DPH6: variants seen among roughly 807,000 people sequenced by gnomAD.
DPH6 encodes diphthamine biosynthesis 6, also known as diphthine--ammonia ligase.
DPH6 carries 33 observed loss-of-function variants against 38.2 expected under a neutral mutation model. That is an observed-to-expected ratio of 0.86 (90% confidence interval 0.65 to 1.15). DPH6 has a LOEUF of 1.15. Ranked by LOEUF, DPH6 falls within the 50% of genes most tolerant of loss-of-function variation. DPH6 has a pLI of 0.00. For missense variants in DPH6, 325 were observed against 320.0 expected (o/e 1.02, Z -0.12); for synonymous variants, 108 against 103.0 (o/e 1.05, Z -0.30).
chr15:35,384,201 G>A (rs2052911304), intron 6 of DPH6, among the ~76,000 whole-genome samples: 1 of 152,020 alleles, frequency 6.6e-6, no homozygotes, highest in Non-Finnish European at 1.5e-5. Context: ...CATTCTCTTT[G>A]ATAAGCTTCT....
At chr15:35,237,683 C>A in intron 3 of DPH6, 2 of 1,613,662 alleles carry the variant, frequency 1.2e-6, no homozygotes, top group Admixed American at 3.3e-5. Flanking sequence ...GAGCTTAGAC[C>A]TTTTCAATTG....
chr15:35,535,631 A>T (rs2055157406), intron 3 of DPH6, among the ~76,000 whole-genome samples: 1 of 82,802 alleles, frequency 1.2e-5, no homozygotes, highest in Non-Finnish European at 3.6e-5. Flanking sequence ...ATTTTCAGGA[A>T]ATAATACAGT....
At chr15:35,325,427 T>C (rs1343823179) in intron 3 of DPH6, among the ~76,000 whole-genome samples, 1 of 152,172 alleles carries the variant, frequency 6.6e-6, no homozygotes, top group Middle Eastern at 3.2e-3. Flanking sequence ...GACACAGTTG[T>C]ATGAATACTT....
At chr15:35,321,148 T>C (rs1408939810) in intron 3 of DPH6, among the ~76,000 whole-genome samples, 1 of 152,240 alleles carries the variant, frequency 6.6e-6, no homozygotes, top group Non-Finnish European at 1.5e-5. Flanking sequence ...CTTCCTAATC[T>C]TGTGGTCTTT....
intron 3 of DPH6, among the ~76,000 whole-genome samples, chr15:35,307,727 TAC>T (rs1298576806): frequency 3.3e-5 from 5 of 152,186 alleles, no homozygotes; most frequent in Admixed American, 3.3e-4. Flanking sequence ...TGCATGTGTA[TAC>T]ACATATACAT....
chr15:35,195,649 CAATT>C, the DPH6 span, among the ~76,000 whole-genome samples: 5 of 152,136 alleles, frequency 3.3e-5, 1 homozygote, highest in Non-Finnish European at 1.5e-5. Context: ...GCTCCACAGA[CAATT>C]AAAGTATTTA....
At chr15:35,361,982 T>G (rs750309969) in intron 3 of DPH6, among the ~76,000 whole-genome samples, 19 of 152,012 alleles carry the variant, frequency 1.2e-4, no homozygotes, top group Non-Finnish European at 2.4e-4. Flanking sequence ...GGCCTCCGAT[T>G]GGGTCATGTT....
At chr15:35,436,514 C>CAAAAAAAAAAAA (rs1277172991) in intron 5 of DPH6, among the ~76,000 whole-genome samples, 9 of 123,200 alleles carry the variant, frequency 7.3e-5, no homozygotes, top group Non-Finnish European at 1.3e-4. Flanking sequence ...CAAAACAAAA[C>CAAAAAAAAAAAA]AAAAAAGGTT....
At chr15:35,157,172 A>G in the DPH6 span, among the ~76,000 whole-genome samples, 2 of 152,170 alleles carry the variant, frequency 1.3e-5, no homozygotes, top group East Asian at 1.9e-4. Flanking sequence ...TTACAATACT[A>G]TAAACTTTTT....
intron 3 of DPH6, among the ~76,000 whole-genome samples, chr15:35,225,375 C>T (rs1211350238): frequency 6.6e-6 from 1 of 152,164 alleles, no homozygotes; most frequent in Non-Finnish European, 1.5e-5. Flanking sequence ...TCCTTTCATG[C>T]TCTATTATTT....
chr15:35,329,065 G>A (rs1020904212), downstream of DPH6, among the ~76,000 whole-genome samples: 3 of 152,114 alleles, frequency 2.0e-5, no homozygotes, highest in African/African-American at 7.2e-5. Context: ...CTCCCACATG[G>A]GAATTATGGA....
intron 3 of DPH6, among the ~76,000 whole-genome samples, chr15:35,290,642 T>C (rs1269393462): frequency 6.6e-6 from 1 of 152,200 alleles, no homozygotes; most frequent in Non-Finnish European, 1.5e-5. Context: ...AAATGACTGC[T>C]GCCACTGTTA....
At chr15:35,229,018 C>T (rs1228750407) in intron 3 of DPH6, among the ~76,000 whole-genome samples, 1 of 152,082 alleles carries the variant, frequency 6.6e-6, no homozygotes. Flanking sequence ...ATTAAATGCC[C>T]TGAGGTAGTC....
chr15:35,283,105 C>CCTT (rs140342388), intron 3 of DPH6: 1 of 154,700 alleles, frequency 6.5e-6, no homozygotes, highest in South Asian at 1.8e-4. Flanking sequence ...TCTTCTTCTC[C>CCTT]CTTCTTCTTC....
chr15:35,397,418 T>C (rs938484429), intron 6 of DPH6, among the ~76,000 whole-genome samples: 1 of 152,226 alleles, frequency 6.6e-6, no homozygotes, highest in Admixed American at 6.5e-5. Flanking sequence ...ATAAAGATGG[T>C]AGATTGAACC....
chr15:35,496,102 G>C, intron 3 of DPH6, among the ~76,000 whole-genome samples: 1 of 152,124 alleles, frequency 6.6e-6, no homozygotes, highest in Non-Finnish European at 1.5e-5. Context: ...TAGTACAGGA[G>C]AGTATCTTCA....
intron 6 of DPH6, among the ~76,000 whole-genome samples, chr15:35,385,868 TAA>T (rs1347373982): frequency 1.3e-5 from 2 of 152,206 alleles, no homozygotes; most frequent in African/African-American, 2.4e-5. Flanking sequence ...TATTATACTT[TAA>T]GTTTTAGGGT....
At chr15:35,411,632 GA>G (rs1323779868) in intron 5 of DPH6, among the ~76,000 whole-genome samples, 1 of 151,004 alleles carries the variant, frequency 6.6e-6, no homozygotes, top group African/African-American at 2.4e-5. Flanking sequence ...AACCAGCTAG[GA>G]AAAAAAATCC....
intron 5 of DPH6, among the ~76,000 whole-genome samples, chr15:35,416,362 A>G (rs959478272): frequency 1.3e-5 from 2 of 152,046 alleles, no homozygotes; most frequent in African/African-American, 2.4e-5. Flanking sequence ...ATTTTAAAAC[A>G]TATTTTTCAG....
Sources: gnomAD v4.1 joint callset for allele counts (sites outside exome capture counted in the v4.1 genomes callset) on GRCh38, gnomAD v4.1.1 for gene constraint, MANE v1.5 for transcripts, NCBI Gene and HGNC (gene_info 2026-07-23, HGNC 2026-07-21) for gene names.